The following AAMDC variants were observed in gnomAD, a reference collection of about 807,000 sequenced individuals.
The protein encoded by AAMDC is mth938 domain-containing protein.
AAMDC carries 16 observed loss-of-function variants against 15.5 expected under a neutral mutation model. That is an observed-to-expected ratio of 1.03 (90% confidence interval 0.70 to 1.57). The LOEUF (loss-of-function observed/expected upper bound fraction) is 1.57. AAMDC is among the 40% of genes most tolerant of loss of function. The pLI, the probability that AAMDC is intolerant of heterozygous loss-of-function variation, is 0.00. For synonymous variants in AAMDC, 51 were observed against 51.6 expected, an observed-to-expected ratio of 0.99 and a Z score of 0.05; for missense variants, 141 against 144.9, an observed-to-expected ratio of 0.97 and a Z score of 0.14.
chr11:77,886,196 C>G (rs1951998343), intron 5 of AAMDC, among the ~76,000 whole-genome samples: 1 of 151,860 alleles, frequency 6.6e-6, no homozygotes, highest in Admixed American at 6.6e-5. Context: ...AGACAGAGAC[C>G]TTGTCTCAAA....
chr11:77,832,979 G>A (rs375790963), intron 1 of AAMDC, among the ~76,000 whole-genome samples: 3 of 56,358 alleles, frequency 5.3e-5, no homozygotes, highest in Non-Finnish European at 1.0e-4. Flanking sequence ...GTGTGTGTGT[G>A]TGTGTGTGTG....
intron 1 of AAMDC, among the ~76,000 whole-genome samples, chr11:77,834,529 C>G (rs1949596498): frequency 6.7e-6 from 1 of 150,152 alleles, no homozygotes; most frequent in Non-Finnish European, 1.5e-5. Context: ...ATTCTCCTGC[C>G]TCAGCCTCCT....
chr11:77,899,995 C>A (rs1466472668), intron 5 of AAMDC, among the ~76,000 whole-genome samples: 1 of 151,884 alleles, frequency 6.6e-6, no homozygotes, highest in Non-Finnish European at 1.5e-5. Flanking sequence ...TAAAAAAAAT[C>A]TTTTTTAAAA....
At chr11:77,856,522 A>G (rs1950630240) in intron 2 of AAMDC, among the ~76,000 whole-genome samples, 1 of 152,078 alleles carries the variant, frequency 6.6e-6, no homozygotes, top group African/African-American at 2.4e-5. Context: ...TTGCATTGCT[A>G]TAAAGAGCTA....
chr11:77,885,224 C>A (rs1951953383), intron 5 of AAMDC, among the ~76,000 whole-genome samples: 1 of 151,852 alleles, frequency 6.6e-6, no homozygotes. Context: ...ATTACAGGCG[C>A]CCACCGTCAT....
chr11:77,872,433 C>A, downstream of AAMDC: 1 of 1,263,806 alleles, frequency 7.9e-7, no homozygotes, highest in Non-Finnish European at 1.1e-6. Flanking sequence ...AGGTCCTGTG[C>A]TAGGCTCTTG....
At chr11:77,841,061 G>A in intron 1 of AAMDC, 1 of 624,058 alleles carries the variant, frequency 1.6e-6, no homozygotes, top group Non-Finnish European at 2.9e-6. Flanking sequence ...CTCGCATCTG[G>A]TGAGAGCCTT....
intron 5 of AAMDC, among the ~76,000 whole-genome samples, chr11:77,897,415 TA>T (rs1258070158): frequency 6.6e-6 from 1 of 151,340 alleles, no homozygotes; most frequent in East Asian, 1.9e-4. Context: ...CTTATAACTT[TA>T]AAAGATTATA....
chr11:77,877,749 AT>A (rs34288319), intron 5 of AAMDC, among the ~76,000 whole-genome samples: 16 of 148,518 alleles, frequency 1.1e-4, no homozygotes, highest in Non-Finnish European at 9.0e-5. Flanking sequence ...CACACTTGCA[AT>A]TTTTTTTTTT....
chr11:77,866,986 G>T (rs572172307), intron 2 of AAMDC, among the ~76,000 whole-genome samples: 1 of 151,876 alleles, frequency 6.6e-6, no homozygotes, highest in African/African-American at 2.4e-5. Context: ...AATTACAGGC[G>T]CATGTCACCA....
At chr11:77,826,908 C>G (rs752093564) in intron 1 of AAMDC, among the ~76,000 whole-genome samples, 2 of 152,114 alleles carry the variant, frequency 1.3e-5, no homozygotes, top group African/African-American at 2.4e-5. Flanking sequence ...AGTTCGAGAC[C>G]AGCCTGGCCA....
rs66463325 is a variant in AAMDC, at chr11:77,822,414, CAAAA to C, written c.-19+1191_-19+1194del. On this transcript the variant is annotated intron_variant, in intron 1 of 3. Transcript: ENST00000393427. ...TGAGCGACAGAGCAAGACTCCACCTCAAAAAAAAAAAAAAAAAAAAAGAATTTGA... is the reference window on the plus strand; with the variant it reads ...TGAGCGACAGAGCAAGACTCCACCTCAAAAAAAAAAAAAAAAAGAATTTGA... Among the ~76,000 whole-genome samples the C allele has an allele frequency of 3.5e-3, 259 of 74,776 alleles. 1 individual carries two copies. The highest frequency in any genetic ancestry group is 6.4e-3 in the South Asian group (11 of 1,720). 49.1% of individuals were successfully genotyped at this position (74,776 alleles called of 152,430 possible).
intron 3 of AAMDC, 48 bp from the exon 4 acceptor site, chr11:77,872,127 C>A: frequency 6.3e-7 from 1 of 1,585,268 alleles, no homozygotes. Flanking sequence ...AAAGGAACCC[C>A]TGGGGGGCCT....
At chr11:77,894,118 C>A (rs969157845) in intron 5 of AAMDC, among the ~76,000 whole-genome samples, 4 of 152,070 alleles carry the variant, frequency 2.6e-5, no homozygotes, top group East Asian at 1.9e-4. Flanking sequence ...AGGAAAAAAA[C>A]CAAATTAGGT....
intron 1 of AAMDC, among the ~76,000 whole-genome samples, chr11:77,838,742 G>A (rs766768558): frequency 9.3e-5 from 14 of 150,874 alleles, no homozygotes; most frequent in South Asian, 4.2e-4. Flanking sequence ...TCAGCCTCTC[G>A]AGTAGCTGAG....
At chr11:77,870,591 C>A (rs1362016162) in intron 3 of AAMDC, among the ~76,000 whole-genome samples, 4 of 152,078 alleles carry the variant, frequency 2.6e-5, no homozygotes, top group Non-Finnish European at 5.9e-5. Flanking sequence ...CCTGCCTCAG[C>A]CTCCCAAAGT....
intron 1 of AAMDC, among the ~76,000 whole-genome samples, chr11:77,827,214 G>A (rs1408409033): frequency 6.6e-6 from 1 of 152,034 alleles, no homozygotes; most frequent in Non-Finnish European, 1.5e-5. Flanking sequence ...TCTACCAAAA[G>A]TTGAAATAGG....
intron 5 of AAMDC, among the ~76,000 whole-genome samples, chr11:77,890,428 G>A (rs1952212361): frequency 1.3e-5 from 2 of 151,744 alleles, no homozygotes; most frequent in South Asian, 4.2e-4. Context: ...TATCCCTTTG[G>A]CCCTTCTCTC....
At chr11:77,857,699 GTTT>G (rs780960090) in intron 2 of AAMDC, among the ~76,000 whole-genome samples, 2 of 137,692 alleles carry the variant, frequency 1.5e-5, no homozygotes. Context: ...CAACTAAGTT[GTTT>G]TTTTTTTTTT....
Sources: allele counts gnomAD v4.1 joint callset (sites outside exome capture counted in the v4.1 genomes callset), GRCh38; gene constraint gnomAD v4.1.1; transcripts MANE v1.5; gene names NCBI Gene and HGNC (gene_info 2026-07-23, HGNC 2026-07-21).